The following A4GALT variants were observed in gnomAD, a reference collection of about 807,000 sequenced individuals.
A4GALT encodes lactosylceramide 4-alpha-galactosyltransferase.
For missense variants in A4GALT, 512 were observed against 486.0 expected (o/e 1.05, Z -0.50); for synonymous variants, 257 against 220.7 (o/e 1.16, Z -1.46).
chr22:42,699,708 T>A (rs1238144296), intron 1 of A4GALT, among the ~76,000 whole-genome samples: 1 of 152,208 alleles, frequency 6.6e-6, no homozygotes, highest in Non-Finnish European at 1.5e-5. Context: ...GGGGTGGCCA[T>A]CAGAGATGTT....
intron 1 of A4GALT, among the ~76,000 whole-genome samples, chr22:42,717,530 T>C (rs1232522329): frequency 1.3e-5 from 2 of 152,140 alleles, no homozygotes; most frequent in Admixed American, 6.5e-5. Context: ...GGGAGGATCC[T>C]TGGGAGCAGC....
At chr22:42,697,136 G>A (rs985591304) in intron 1 of A4GALT, among the ~76,000 whole-genome samples, 3 of 152,194 alleles carry the variant, frequency 2.0e-5, no homozygotes. Flanking sequence ...CTCTTAGTAT[G>A]TGGTCAATAA....
chr22:42,715,343 G>A (rs1037333504), intron 1 of A4GALT, among the ~76,000 whole-genome samples: 11 of 152,036 alleles, frequency 7.2e-5, no homozygotes, highest in African/African-American at 2.2e-4. Context: ...ACAACACCAT[G>A]GTAACCATCA....
At chr22:42,698,765 C>T (rs960026468) in intron 1 of A4GALT, among the ~76,000 whole-genome samples, 1 of 152,188 alleles carries the variant, frequency 6.6e-6, no homozygotes, top group Non-Finnish European at 1.5e-5. Flanking sequence ...TTCTAAGTCA[C>T]AGGGTGAGAT....
At chr22:42,716,362 C>G (rs994782492) in intron 1 of A4GALT, among the ~76,000 whole-genome samples, 7 of 152,130 alleles carry the variant, frequency 4.6e-5, no homozygotes, top group Non-Finnish European at 1.0e-4. Context: ...GTTGAGTTAA[C>G]ATTTATTAAA....
Position 42,693,543 on chromosome 22 carries a change from G to C in A4GALT, c.409C>G (p.Pro137Ala), listed in dbSNP as rs1379166662. Reference protein sequence around the residue: ...HLGISLLSCFPNVQMLPLDLR... With the variant: ...HLGISLLSCFANVQMLPLDLR... ...TCCAGCGGGAGCATCTGGACATTCG[G>C]GAAGCAGCTCAGAAGTGAGATGCCC... The change falls in exon 3 of 3, where the codon CCG (proline) becomes GCG (alanine). Residue 137 changes from proline (P) to alanine (A), a missense_variant. Physicochemically the swap from Pro to Ala is conservative, Grantham distance 27. Coordinates refer to ENST00000642412, the MANE Select transcript of A4GALT (RefSeq NM_017436.7). The C allele has an allele frequency of 6.2e-7, 1 of 1,613,496 alleles. No individual in the cohort carries two copies. The highest frequency in any genetic ancestry group is 2.2e-5 in the East Asian group (1 of 44,862).
chr22:42,718,433 T>C (rs545056375), intron 1 of A4GALT: 1 of 127,488 alleles, frequency 7.8e-6, no homozygotes, highest in South Asian at 2.6e-4. Context: ...AGTTAATTTA[T>C]TGTATTTTTA....
chr22:42,695,690 C>T (rs1930874198), intron 1 of A4GALT, 59 bp from the exon 2 acceptor site: 1 of 152,200 alleles, frequency 6.6e-6, no homozygotes, highest in African/African-American at 2.4e-5. Flanking sequence ...GGCCTCGTCC[C>T]CCTGGCCACA....
At chr22:42,697,606 T>A (rs1931027816) in intron 1 of A4GALT, among the ~76,000 whole-genome samples, 1 of 152,026 alleles carries the variant, frequency 6.6e-6, no homozygotes, top group Admixed American at 6.6e-5. Flanking sequence ...GGTGCCAGAC[T>A]CAGGCCACGC....
chr22:42,708,921 A>G (rs939024966), intron 1 of A4GALT, among the ~76,000 whole-genome samples: 3 of 152,046 alleles, frequency 2.0e-5, no homozygotes, highest in African/African-American at 7.2e-5. Context: ...AAACAGAATT[A>G]TAAAAGGACT....
At chr22:42,715,836 TTTTTG>T (rs1370256840) in intron 1 of A4GALT, among the ~76,000 whole-genome samples, 2 of 82,890 alleles carry the variant, frequency 2.4e-5, no homozygotes, top group African/African-American at 3.8e-5. Context: ...ACAATCTTTT[TTTTTG>T]TTTTTTTTGA....
chr22:42,696,152 A>G (rs1247698094), intron 1 of A4GALT, among the ~76,000 whole-genome samples: 2 of 146,396 alleles, frequency 1.4e-5, no homozygotes, highest in Non-Finnish European at 3.0e-5. Context: ...CAGGCGCGGT[A>G]GCTCACGCCT....
At chr22:42,718,719 C>T (rs915600183) in intron 1 of A4GALT, 7 of 152,016 alleles carry the variant, frequency 4.6e-5, no homozygotes, top group African/African-American at 1.7e-4. Context: ...AGGCCTGGCA[C>T]TAGGCTCTGG....
intron 1 of A4GALT, among the ~76,000 whole-genome samples, chr22:42,717,086 C>T (rs1278500402): frequency 1.3e-5 from 2 of 152,080 alleles, no homozygotes; most frequent in East Asian, 3.9e-4. Flanking sequence ...GGACACTGGT[C>T]TGGAAGGGAA....
chr22:42,708,118 T>C (rs1921318304), intron 1 of A4GALT, among the ~76,000 whole-genome samples: 1 of 151,598 alleles, frequency 6.6e-6, no homozygotes, highest in Non-Finnish European at 1.5e-5. Flanking sequence ...CCGGGTGTGG[T>C]GGCACCTACC....
intron 1 of A4GALT, among the ~76,000 whole-genome samples, chr22:42,703,259 G>GT (rs59690136): frequency 0.023 from 2,975 of 131,682 alleles, 150 homozygotes; most frequent in African/African-American, 0.067. Context: ...GTTTGTTTTT[G>GT]TTTTTTTTTT....
At chr22:42,698,334 G>C (rs2024643) in intron 1 of A4GALT, among the ~76,000 whole-genome samples, 97,063 of 151,886 alleles carry the variant, frequency 0.64, 31,407 homozygotes, top group Middle Eastern at 0.73. Flanking sequence ...CAGGTTCTTG[G>C]CACCAGCTCT....
intron 1 of A4GALT, among the ~76,000 whole-genome samples, chr22:42,705,105 AGAG>A (rs537089045): frequency 2.4e-4 from 36 of 152,318 alleles, no homozygotes; most frequent in African/African-American, 8.7e-4. Context: ...CCATGGCAAC[AGAG>A]GAGGGAGCCT....
In A4GALT at chr22:42,693,850, G is replaced by A. The variant is rs368612602; in HGVS notation, c.102C>T (p.Val34=). The A allele has an allele frequency of 6.8e-6, 11 of 1,610,300 alleles. No homozygotes were observed. Among genetic ancestry groups the A allele is most frequent in the African/African-American group, 6.7e-5 (5 of 74,908 alleles). Residue 34 remains valine, a synonymous_variant, in exon 3 of 3, where the codon GTC becomes GTT. Coordinates refer to ENST00000642412, the MANE Select transcript of A4GALT (RefSeq NM_017436.7). The stretch of plus-strand genomic sequence containing the variant: ...CAACGTGCCAGTAGATCATGATGGA[G>A]ACGAAAAACGTGAACTTGAAGCCGA... ...FIIGFKFTFF[V]SIMIYWHVVG... is the part of the protein sequence containing the mutation.
Sources: gnomAD v4.1 joint callset for allele counts (sites outside exome capture counted in the v4.1 genomes callset) on GRCh38, gnomAD v4.1.1 for gene constraint, MANE v1.5 for transcripts, NCBI Gene and HGNC (gene_info 2026-07-23, HGNC 2026-07-21) for gene names.